The following KIF5A variants were observed in gnomAD, a reference collection of about 807,000 sequenced individuals.
KIF5A encodes kinesin heavy chain isoform 5A.
Under a neutral mutation model 141.3 loss-of-function variants are expected in KIF5A, and 35 were observed. The observed-to-expected ratio is 0.25, with a 90% CI of 0.19 to 0.33. The LOEUF (loss-of-function observed/expected upper bound fraction) is 0.33. Among genes scored for constraint, KIF5A ranks in the 10% least tolerant of loss-of-function variants. KIF5A has a pLI of 1.00. For missense variants in KIF5A, 861 were observed against 1,314.3 expected, an observed-to-expected ratio of 0.66 and a Z score of 5.33; for synonymous variants, 448 against 500.2, an observed-to-expected ratio of 0.90 and a Z score of 1.39.
At chr12:57,575,509 C>T in intron 16 of KIF5A, 131 bp from the exon 17 acceptor site, 1 of 929,680 alleles carries the variant, frequency 1.1e-6, no homozygotes, top group South Asian at 1.3e-5. Context: ...GGAATGGCCC[C>T]CAACCCTGCA....
intron 15 of KIF5A, among the ~76,000 whole-genome samples, chr12:57,574,197 C>G (rs1882349621): frequency 6.6e-6 from 1 of 151,636 alleles, no homozygotes; most frequent in Admixed American, 6.6e-5. Flanking sequence ...TGAGAATAAT[C>G]TGGGTGATCA....
chr12:57,556,579 G>A (rs754996310), intron 1 of KIF5A, among the ~76,000 whole-genome samples: 2 of 151,538 alleles, frequency 1.3e-5, no homozygotes, highest in East Asian at 1.9e-4. Flanking sequence ...TTTGGAGAGC[G>A]CTCTCCATTT....
intron 15 of KIF5A, among the ~76,000 whole-genome samples, chr12:57,574,217 A>G (rs2140166746): frequency 6.6e-6 from 1 of 152,308 alleles, no homozygotes; most frequent in East Asian, 1.9e-4. Flanking sequence ...AAGGAGATCA[A>G]AAGAAAATCA....
rs371727146 is a variant in KIF5A at position 57,567,661 on chromosome 12, C to CTTT, written c.714+58_714+60dup. 1.1e-3 allele frequency: 1,430 copies of CTTT among 1,311,784 alleles called. 13 individuals are homozygous for CTTT. In the East Asian group the frequency reaches 0.027, roughly 25 times the overall value. The allele number at this position is 1,311,784 out of a possible 1,614,324, so 81.3% of individuals were successfully genotyped here. ...TATGGGGTGGGTGGAAGCCTTGGCT[C>CTTT]TTTTTTTTTTTTTTTTTGAGACAGA... is the stretch of plus-strand genomic sequence containing the variant. On this transcript the variant is annotated intron_variant, in intron 8 of 28. Transcript: ENST00000455537.
intron 1 of KIF5A, among the ~76,000 whole-genome samples, chr12:57,556,342 G>C (rs1881743331): frequency 6.6e-6 from 1 of 151,976 alleles, no homozygotes; most frequent in Non-Finnish European, 1.5e-5. Context: ...GTTTCACCGT[G>C]TTAGCCAGGA....
chr12:57,581,335 AC>A (rs1565704812), intron 24 of KIF5A, 79 bp from the exon 25 acceptor site: 1 of 1,590,508 alleles, frequency 6.3e-7, no homozygotes, highest in Non-Finnish European at 8.6e-7. Flanking sequence ...ACTCAGTTCA[AC>A]CCCAGCTAAA....
At chr12:57,569,092 C>T (rs776770492) in intron 9 of KIF5A, 25 bp downstream of exon 9, 2 of 1,584,948 alleles carry the variant, frequency 1.3e-6, no homozygotes, top group Admixed American at 3.3e-5. Context: ...GGTCCCCTCA[C>T]CCCTCAAGCC....
At chr12:57,582,665 T>A in intron 27 of KIF5A, 36 bp downstream of exon 27, 3 of 1,556,116 alleles carry the variant, frequency 1.9e-6, no homozygotes, top group Non-Finnish European at 2.7e-6. Flanking sequence ...GTTCTCTGGG[T>A]GGGACCAGAA....
intron 28 of KIF5A, among the ~76,000 whole-genome samples, 182 bp from the exon 29 acceptor site, chr12:57,584,036 G>A (rs1052914834): frequency 1.3e-5 from 2 of 152,172 alleles, no homozygotes; most frequent in African/African-American, 4.8e-5. Context: ...CAGAAGAGGA[G>A]TTGGGGAGAC....
At chr12:57,575,578 G>C in intron 16 of KIF5A, 62 bp from the exon 17 acceptor site, 1 of 1,350,270 alleles carries the variant, frequency 7.4e-7, no homozygotes, top group Non-Finnish European at 1.1e-6. Context: ...TTGGAGATCT[G>C]TGTGGCCTGG....
At position 57,550,284 on chromosome 12, in the gene KIF5A, A is replaced by G. The variant is rs755532095; in HGVS notation, c.13A>G (p.Asn5Asp). 2 of 1,614,152 alleles carry G rather than the reference A, an allele frequency of 1.2e-6. No individual in the cohort carries two copies. Among genetic ancestry groups the G allele is most frequent in the Non-Finnish European group, 1.7e-6 (2 of 1,180,010 alleles). Residue 5 changes from asparagine (N) to aspartate (D), a missense_variant, in exon 1 of 29, where the codon AAC becomes GAC. Asn to Asp is a conservative substitution (Grantham distance 23, BLOSUM62 1). Around this residue, in one of 5 missense-constraint regions of KIF5A, gnomAD observed 59 missense variants for 81.1 expected, o/e 0.73. Coordinates refer to ENST00000455537, the MANE Select transcript of KIF5A (RefSeq NM_004984.4). This position sits in a 1 kb window ranked among gnomAD's most constrained non-coding sequence, Gnocchi z 4.6. MAET[N>D]NECSIKVLCR... is the part of the protein sequence containing the mutation. ...GCCGGCTACCACCATGGCGGAGACCAACAACGAATGTAGCATCAAGGTGCT... is the reference window on the plus strand; with the variant it reads ...GCCGGCTACCACCATGGCGGAGACCGACAACGAATGTAGCATCAAGGTGCT...
At position 57,575,245 on chromosome 12, in the gene KIF5A, C is replaced by G. The variant is rs756267072; in HGVS notation, c.1878C>G (p.Leu626=). 3 of 1,613,566 alleles carry G rather than the reference C, an allele frequency of 1.9e-6. No homozygotes were observed. The highest frequency in any genetic ancestry group is 2.5e-6 in the Non-Finnish European group (3 of 1,179,868). ...AGATGGAAGTGACCGGGCGGGAGCT[C>G]TCATCCTGCCAGCTCCTCATCTCTC... ...HRKMEVTGRE[L]SSCQLLISQH... is the part of the protein sequence containing the mutation. The change falls in exon 16 of 29, where the codon CTC becomes CTG. Residue 626 remains leucine (L), a synonymous_variant. Coordinates refer to ENST00000455537, the MANE Select transcript of KIF5A (RefSeq NM_004984.4).
chr12:57,564,812 T>C, intron 5 of KIF5A, 106 bp from the exon 6 acceptor site: 6 of 1,085,332 alleles, frequency 5.5e-6, no homozygotes, highest in Admixed American at 1.9e-5. Flanking sequence ...ACAGGGAGAG[T>C]CTTCCTTTAG....
In KIF5A at chr12:57,550,828, G is replaced by T. The variant is rs1444080397; in HGVS notation, c.129+428G>T. ...GACTTTTGGGTGGATTAGATGGGAG[G>T]TGAGCAGTCCAGGGTCTCTGCAGAG... On this transcript the variant is annotated intron_variant, in intron 1 of 28. Coordinates refer to ENST00000455537, the MANE Select transcript of KIF5A (RefSeq NM_004984.4). This position sits in a 1 kb window ranked among gnomAD's most constrained non-coding sequence, Gnocchi z 4.6. 6.6e-6 allele frequency among the ~76,000 whole-genome samples: 1 copy of T among 152,184 alleles called. No individual in the cohort carries two copies. Among genetic ancestry groups the T allele is most frequent in the Non-Finnish European group, 1.5e-5 (1 of 68,040 alleles).
Position 57,564,248 on chromosome 12 carries a change from G to T in KIF5A, c.396+36G>T. The T allele has an allele frequency of 2.1e-6, 3 of 1,410,224 alleles. No individual in the cohort carries two copies. The East Asian group carries it at 6.8e-5, about 32-fold the overall frequency. 87.4% of individuals were successfully genotyped at this position (1,410,224 alleles called of 1,614,324 possible). A position where few individuals can be genotyped will look rare whatever the true frequency, so the allele number is the denominator to read the frequency against. ...CACGACAGCTGGGCATTCAGATGGGGACTGGGAGGGGAAGATCTAAAATCT... is the reference window on the plus strand; with the variant it reads ...CACGACAGCTGGGCATTCAGATGGGTACTGGGAGGGGAAGATCTAAAATCT... On this transcript the variant is annotated intron_variant, in intron 4 of 28. Transcript: ENST00000455537.
At chr12:57,581,646 T>C (rs1212068771) in intron 25 of KIF5A, 78 bp downstream of exon 25, 2 of 1,526,012 alleles carry the variant, frequency 1.3e-6, no homozygotes, top group Admixed American at 1.7e-5. Flanking sequence ...GGGGCAGTTA[T>C]TGGTTGTGGC....
In KIF5A at chr12:57,575,116, G is replaced by C. The variant is rs1242381298; in HGVS notation, c.1749G>C (p.Glu583Asp). The change falls in exon 16 of 29, where the codon GAG becomes GAC. Residue 583 changes from glutamate (E) to aspartate (D), a missense_variant. Glu to Asp is a conservative substitution (Grantham distance 45, BLOSUM62 2). Transcript: ENST00000455537. ...AGATCAGTGGGGCCATCGAGGAGGA[G>C]TTCACTGTGGCCCGACTCTACATCA... is the stretch of plus-strand genomic sequence containing the variant. Reference protein sequence around the residue: ...PVEISGAIEEEFTVARLYISK... With the variant: ...PVEISGAIEEDFTVARLYISK... 1 of 1,614,038 alleles carries C rather than the reference G, an allele frequency of 6.2e-7. No homozygotes were observed. Among genetic ancestry groups the C allele is most frequent in the South Asian group, 1.1e-5 (1 of 91,074 alleles).
In KIF5A at chr12:57,570,137, G is replaced by A. The variant is rs778095192; in HGVS notation, c.1268G>A (p.Arg423His). 8.7e-6 allele frequency: 14 copies of A among 1,613,818 alleles called. No homozygotes were observed. The highest frequency in any genetic ancestry group is 6.7e-5 in the Admixed American group (4 of 59,998). Residue 423 changes from arginine (R) to histidine (H), a missense_variant, in exon 12 of 29, where the codon CGT (arginine) becomes CAT (histidine). By Grantham distance (29) the Arg-to-His change is conservative. Coordinates refer to ENST00000455537, the MANE Select transcript of KIF5A (RefSeq NM_004984.4). The part of the protein sequence containing the change: ...ERQKYEEEIR[R>H]LYKQLDDKDD... Reference sequence around the variant, plus strand: ...CAGAAATACGAGGAGGAGATCCGCCGTCTCTATAAGCAGCTTGACGACAAG... The same window carrying A: ...CAGAAATACGAGGAGGAGATCCGCCATCTCTATAAGCAGCTTGACGACAAG...
At chr12:57,556,887 G>T (rs777337682) in intron 1 of KIF5A, among the ~76,000 whole-genome samples, 52 of 152,216 alleles carry the variant, frequency 3.4e-4, no homozygotes, top group Non-Finnish European at 6.5e-4. Flanking sequence ...TGCCCACCCA[G>T]ATTAAGGGTG....
Sources: gnomAD v4.1 joint callset for allele counts (sites outside exome capture counted in the v4.1 genomes callset) on GRCh38, gnomAD v4.1.1 for gene constraint, gnomAD v4.1.1 regional missense constraint, Gnocchi (gnomAD v3.1) non-coding constraint, MANE v1.5 for transcripts, NCBI Gene and HGNC (gene_info 2026-07-23, HGNC 2026-07-21) for gene names.